The following ACO2 variants were observed in gnomAD, a reference collection of about 807,000 sequenced individuals.
ACO2 encodes aconitate hydratase, mitochondrial.
In ACO2, 31 loss-of-function variants were observed where a neutral mutation model predicts 84.5. The observed-to-expected ratio is 0.37, with a 90% CI of 0.28 to 0.50. The LOEUF (loss-of-function observed/expected upper bound fraction) is 0.50. Among genes scored for constraint, ACO2 ranks in the 20% least tolerant of loss-of-function variants. ACO2 has a pLI of 0.97. For synonymous variants in ACO2, 414 were observed against 412.7 expected, an observed-to-expected ratio of 1.00 and a Z score of -0.04; for missense variants, 685 against 1,029.3, an observed-to-expected ratio of 0.67 and a Z score of 4.58.
chr22:41,486,703 G>A (rs1364449059), intron 1 of ACO2, among the ~76,000 whole-genome samples: 5 of 151,208 alleles, frequency 3.3e-5, no homozygotes, highest in African/African-American at 7.3e-5. Flanking sequence ...ATCTCCTGAC[G>A]TTGTGATCCG....
chr22:41,505,427 CAATAATAAT>C (rs59945427), intron 2 of ACO2, among the ~76,000 whole-genome samples: 18 of 148,780 alleles, frequency 1.2e-4, no homozygotes, highest in African/African-American at 3.2e-4. Flanking sequence ...AAAATAATAA[CAATAATAAT>C]AATAATAATA....
intron 3 of ACO2, among the ~76,000 whole-genome samples, chr22:41,511,386 G>A (rs2066431954): frequency 6.6e-6 from 1 of 152,148 alleles, no homozygotes; most frequent in South Asian, 2.1e-4. Flanking sequence ...TGGCCAGGCT[G>A]GTCTTGAACT....
At chr22:41,511,493 G>T (rs1172601631) in intron 3 of ACO2, among the ~76,000 whole-genome samples, 1 of 152,270 alleles carries the variant, frequency 6.6e-6, no homozygotes, top group South Asian at 2.1e-4. Flanking sequence ...GCCAGGGCCT[G>T]CCTCTGCACT....
intron 4 of ACO2, among the ~76,000 whole-genome samples, chr22:41,514,894 G>A (rs1224573857): frequency 6.6e-6 from 1 of 152,230 alleles, no homozygotes; most frequent in African/African-American, 2.4e-5. Flanking sequence ...ATAGCTTTGT[G>A]TACCCACTGG....
intron 7 of ACO2, 108 bp downstream of exon 7, chr22:41,517,739 C>A: frequency 1.0e-6 from 1 of 984,456 alleles, no homozygotes; most frequent in Non-Finnish European, 1.6e-6. Flanking sequence ...AACCCATTGT[C>A]TCCAGACAGG....
intron 1 of ACO2, 70 bp downstream of exon 1, chr22:41,469,252 G>C (rs891258582): frequency 1.2e-5 from 19 of 1,542,848 alleles, no homozygotes; most frequent in Admixed American, 3.9e-5. Context: ...GGCTGTGGGC[G>C]AGGCAGGGCG....
intron 1 of ACO2, among the ~76,000 whole-genome samples, chr22:41,472,583 A>G (rs1387796754): frequency 1.3e-5 from 2 of 152,168 alleles, no homozygotes; most frequent in East Asian, 3.9e-4. Context: ...TAAGATTAGA[A>G]ATAAGAAAAT....
At chr22:41,476,080 T>C (rs971003811) in intron 1 of ACO2, among the ~76,000 whole-genome samples, 1 of 151,856 alleles carries the variant, frequency 6.6e-6, no homozygotes, top group Non-Finnish European at 1.5e-5. Flanking sequence ...GGCCTAATAT[T>C]TGAAAAGTTG....
At chr22:41,525,589 T>G (rs1439513970) in intron 14 of ACO2, among the ~76,000 whole-genome samples, 1 of 152,156 alleles carries the variant, frequency 6.6e-6, no homozygotes, top group Non-Finnish European at 1.5e-5. Flanking sequence ...CCCTCAGCCA[T>G]CCAGCAGCAG....
chr22:41,516,976 C>G (rs529587278), intron 6 of ACO2, among the ~76,000 whole-genome samples: 2 of 152,154 alleles, frequency 1.3e-5, no homozygotes, highest in East Asian at 3.9e-4. Flanking sequence ...GTGATCCACC[C>G]ACCTCGGCCT....
chr22:41,527,639 C>G, intron 16 of ACO2: 2 of 808,564 alleles, frequency 2.5e-6, no homozygotes, highest in Middle Eastern at 3.7e-4. Context: ...AGATCTGAGC[C>G]GCTGAGATCT....
rs1360548144 is a variant in ACO2 at position 41,522,776 on chromosome 22, C to T, written c.1139-54C>T. On this transcript the variant is annotated intron_variant, in intron 9 of 17. Coordinates refer to ENST00000216254, the MANE Select transcript of ACO2 (RefSeq NM_001098.3). ...TGGATAATTTGAAGTCAGGTGGAGA[C>T]CTCTGCTCACTGTCTCCTCCTGACC... The T allele has an allele frequency of 1.1e-5, 17 of 1,592,054 alleles. No individual in the cohort carries two copies. In the East Asian group the frequency reaches 3.1e-4, roughly 29 times the overall value.
chr22:41,469,397 G>T (rs1228370458), intron 1 of ACO2: 6 of 494,484 alleles, frequency 1.2e-5, no homozygotes, highest in Non-Finnish European at 2.1e-5. Flanking sequence ...TCCCTGCCTC[G>T]CAAGAAGCGT....
At chr22:41,516,029 T>G in intron 6 of ACO2, 112 bp downstream of exon 6, 5 of 1,401,072 alleles carry the variant, frequency 3.6e-6, no homozygotes, top group Non-Finnish European at 5.0e-6. Flanking sequence ...TCTGTTCCAT[T>G]TGGGGACTTG....
rs2066618296 is a variant in ACO2, at chr22:41,527,205, G to C, written c.1954-83G>C. ...GCCTCAGGATGCCCAGGCGCCAGGT[G>C]GGTGAGGCCAGGCAGGTAGGGCCAG... On this transcript the variant is annotated intron_variant, in intron 15 of 17. Coordinates refer to ENST00000216254, the MANE Select transcript of ACO2 (RefSeq NM_001098.3). 8.8e-6 allele frequency: 14 copies of C among 1,597,894 alleles called. No homozygotes were observed. In the South Asian group the frequency reaches 1.4e-4, roughly 16 times the overall value.
intron 1 of ACO2, chr22:41,469,516 C>T: frequency 3.2e-6 from 1 of 312,948 alleles, no homozygotes; most frequent in Non-Finnish European, 5.9e-6. Flanking sequence ...AAGGTGAGGA[C>T]AAGGTGACTA....
Position 41,520,176 on chromosome 22 carries a change from G to A in ACO2, c.1038G>A (p.Lys346=), listed in dbSNP as rs144269243. ...QLIEINLSEL[K]PHINGPFTPD... Reference sequence around the variant, plus strand: ...TTGCATGTTTGTTTCTTCAGCTGAAGCCACACATCAATGGGCCCTTCACCC... The same window carrying A: ...TTGCATGTTTGTTTCTTCAGCTGAAACCACACATCAATGGGCCCTTCACCC... The change falls in exon 9 of 18, where the codon AAG becomes AAA. Residue 346 remains lysine (K), a synonymous_variant. Transcript: ENST00000216254. The A allele has an allele frequency of 1.0e-4, 163 of 1,612,542 alleles. No individual in the cohort carries two copies. In the African/African-American group the frequency reaches 2.0e-3, roughly 20 times the overall value.
chr22:41,527,268 T>A lies in ACO2; in HGVS notation c.1954-20T>A. The A allele has an allele frequency of 3.7e-6, 6 of 1,614,046 alleles. No individual in the cohort carries two copies. Among genetic ancestry groups the A allele is most frequent in the Non-Finnish European group, 5.1e-6 (6 of 1,179,966 alleles). On this transcript the variant is annotated intron_variant, in intron 15 of 17. Coordinates refer to ENST00000216254, the MANE Select transcript of ACO2 (RefSeq NM_001098.3). ...GGTGCCCTCCTCTGCCTTATAACCT[T>A]ACCCCCGCTTGCCTGACAGAAACAT... is the stretch of plus-strand genomic sequence containing the variant.
At chr22:41,499,607 G>A in intron 1 of ACO2, 119 bp from the exon 2 acceptor site, 1 of 1,123,120 alleles carries the variant, frequency 8.9e-7, no homozygotes, top group South Asian at 1.5e-5. Context: ...TGAGGCTGCA[G>A]TTACTGAACA....
Sources: gnomAD v4.1 joint callset for allele counts (sites outside exome capture counted in the v4.1 genomes callset) on GRCh38, gnomAD v4.1.1 for gene constraint, MANE v1.5 for transcripts, NCBI Gene and HGNC (gene_info 2026-07-23, HGNC 2026-07-21) for gene names.